VCAN: variants seen among roughly 807,000 people sequenced by gnomAD.
VCAN encodes versican core protein.
A neutral mutation model predicts 245.5 loss-of-function variants in VCAN; 44 were observed. The observed-to-expected ratio is 0.18, with a 90% CI of 0.14 to 0.23. The LOEUF (loss-of-function observed/expected upper bound fraction) is 0.23. VCAN is among the 10% of genes least tolerant of loss of function. The pLI, the probability that VCAN is intolerant of heterozygous loss-of-function variation, is 1.00. For synonymous variants in VCAN, 1,413 were observed against 1,437.0 expected (o/e 0.98, Z 0.38); for missense variants, 3,793 against 4,057.9 (o/e 0.93, Z 1.77).
At position 83,539,082 on chromosome 5, in the gene VCAN, C is replaced by G. The variant is rs1746851494; in HGVS notation, c.6079C>G (p.Pro2027Ala). The G allele has an allele frequency of 1.2e-6, 2 of 1,613,968 alleles. No homozygotes were observed. Among genetic ancestry groups the G allele is most frequent in the Admixed American group, 3.3e-5 (2 of 59,944 alleles). Residue 2027 changes from proline (P) to alanine (A), a missense_variant, in exon 8 of 15, where the codon CCC (proline) becomes GCC (alanine). Coordinates refer to ENST00000265077, the MANE Select transcript of VCAN (RefSeq NM_004385.5). Reference sequence around the variant, plus strand: ...CAGCAGCTCTGTTGTTCCAGTGCTTCCCAGTGCTGTGCAAAAGTTTTCTGG... The same window carrying G: ...CAGCAGCTCTGTTGTTCCAGTGCTTGCCAGTGCTGTGCAAAAGTTTTCTGG... Reference protein sequence around the residue: ...TVSSSVVPVLPSAVQKFSGTA... With the variant: ...TVSSSVVPVLASAVQKFSGTA...
At chr5:83,514,481 G>A (rs1363115122) in intron 6 of VCAN, among the ~76,000 whole-genome samples, 20 of 143,948 alleles carry the variant, frequency 1.4e-4, no homozygotes, top group African/African-American at 4.2e-4. Flanking sequence ...GTGGAGTTTC[G>A]CTCTTGTTGC....
chr5:83,564,561 T>G (rs17205986), intron 12 of VCAN, among the ~76,000 whole-genome samples: 6,658 of 152,298 alleles, frequency 0.044, 191 homozygotes, highest in Non-Finnish European at 0.067. Context: ...AAGGCAAATA[T>G]TAGGACCTAT....
rs1744927738 is a variant in VCAN, at chr5:83,490,094, C to G, written c.71-4C>G. On this transcript the variant is annotated splice_region_variant and splice_polypyrimidine_tract_variant and intron_variant, in intron 2 of 14. Transcript: ENST00000265077. ...GTTAATTTGTTATTTTCTCTTTCCT[C>G]TAGTCAAAGTGGGAAAAAGCCCACC... 1.2e-6 allele frequency: 2 copies of G among 1,613,628 alleles called. No individual in the cohort carries two copies. The highest frequency in any genetic ancestry group is 3.3e-5 in the Admixed American group (2 of 59,998).
At position 83,486,609 on chromosome 5, in the gene VCAN, G is replaced by A. The variant is rs533763693; in HGVS notation, c.70+3021G>A. ...GGAATTTACAGGGAAAGTAGTAGGC[G>A]ACCATCCTTCAGCTGAAATTTAGAC... is the stretch of plus-strand genomic sequence containing the variant. On this transcript the variant is annotated intron_variant, in intron 2 of 14. Coordinates refer to ENST00000265077, the MANE Select transcript of VCAN (RefSeq NM_004385.5). 3.9e-5 allele frequency among the ~76,000 whole-genome samples: 6 copies of A among 152,288 alleles called. No homozygotes were observed. The South Asian group carries it at 1.2e-3, about 32-fold the overall frequency.
intron 12 of VCAN, among the ~76,000 whole-genome samples, chr5:83,570,420 G>A (rs1257160774): frequency 6.6e-6 from 1 of 152,112 alleles, no homozygotes; most frequent in Non-Finnish European, 1.5e-5. Context: ...CTAAAAGACT[G>A]AAACAAAAGT....
intron 6 of VCAN, among the ~76,000 whole-genome samples, chr5:83,514,980 C>A (rs375079441): frequency 6.6e-6 from 1 of 152,086 alleles, no homozygotes; most frequent in Non-Finnish European, 1.5e-5. Context: ...TTCTACCAAA[C>A]GTAGAAAGTG....
intron 5 of VCAN, among the ~76,000 whole-genome samples, chr5:83,495,567 A>T (rs1317538103): frequency 6.6e-6 from 1 of 152,138 alleles, no homozygotes; most frequent in African/African-American, 2.4e-5. Flanking sequence ...AGAAGAGGAG[A>T]TGGTTGGTAG....
In VCAN at chr5:83,486,999, T is replaced by C. The variant is rs1369803437; in HGVS notation, c.71-3099T>C. Among the ~76,000 whole-genome samples, 6 of 152,230 alleles carry C rather than the reference T, an allele frequency of 3.9e-5. 1 individual carries two copies. The highest frequency in any genetic ancestry group is 2.9e-5 in the Non-Finnish European group (2 of 68,042). ...TCAACGACTAACATAAATGAACACCTTGTCTATTGTTATGGGCTTTATTTT... is the reference window on the plus strand; with the variant it reads ...TCAACGACTAACATAAATGAACACCCTGTCTATTGTTATGGGCTTTATTTT... On this transcript the variant is annotated intron_variant, in intron 2 of 14. Coordinates refer to ENST00000265077, the MANE Select transcript of VCAN (RefSeq NM_004385.5).
chr5:83,516,793 A>G (rs1471065235), intron 6 of VCAN, among the ~76,000 whole-genome samples: 1 of 152,262 alleles, frequency 6.6e-6, no homozygotes, highest in African/African-American at 2.4e-5. Flanking sequence ...AGTGGTATTT[A>G]TTCTTAAAAT....
rs537395790 is a variant in VCAN at position 83,563,355 on chromosome 5, C to A, written c.9735+8317C>A. On this transcript the variant is annotated intron_variant, in intron 12 of 14. Coordinates refer to ENST00000265077, the MANE Select transcript of VCAN (RefSeq NM_004385.5). ...CTAACAAACAAGACAAAGTTAAATG[C>A]ACCACTCCCCCTCCAGACTGCAAAC... is the stretch of plus-strand genomic sequence containing the variant. 2.7e-4 allele frequency among the ~76,000 whole-genome samples: 41 copies of A among 152,216 alleles called. 1 individual carries two copies. The South Asian group carries it at 8.3e-3, about 31-fold the overall frequency.
In VCAN at chr5:83,537,340, G is replaced by A. The variant is rs764331111; in HGVS notation, c.4337G>A (p.Ser1446Asn). 5.0e-6 allele frequency: 8 copies of A among 1,613,990 alleles called. No homozygotes were observed. Among genetic ancestry groups the A allele is most frequent in the African/African-American group, 1.3e-5 (1 of 75,024 alleles). ...SVAPSQNFSD[S>N]SESDTHPFVI... ...GCACCTTCTCAGAATTTCTCGGACA[G>A]CTCTGAAAGTGATACTCATCCATTT... The change falls in exon 8 of 15, where the codon AGC becomes AAC. Residue 1446 changes from serine to asparagine, a missense_variant. Around this residue, in one of 5 missense-constraint regions of VCAN, gnomAD observed 3,182 missense variants for 3,250.3 expected, o/e 0.98. Coordinates refer to ENST00000265077, the MANE Select transcript of VCAN (RefSeq NM_004385.5).
chr5:83,559,220 G>A (rs945204202), intron 12 of VCAN, among the ~76,000 whole-genome samples: 3 of 152,156 alleles, frequency 2.0e-5, no homozygotes, highest in Admixed American at 2.0e-4. Context: ...CTTATATACT[G>A]TTAGCTGACT....
At chr5:83,559,409 C>T (rs1747781495) in intron 12 of VCAN, among the ~76,000 whole-genome samples, 1 of 152,082 alleles carries the variant, frequency 6.6e-6, no homozygotes, top group Non-Finnish European at 1.5e-5. Flanking sequence ...ATTAGTATGG[C>T]AGACAAAACC....
chr5:83,580,820 G>T lies in VCAN; in HGVS notation c.*386G>T. 3.3e-6 allele frequency: 1 copy of T among 300,744 alleles called. No homozygotes were observed. Among genetic ancestry groups the T allele is most frequent in the Non-Finnish European group, 6.5e-6 (1 of 154,926 alleles). 18.6% of individuals were successfully genotyped at this position (300,744 alleles called of 1,614,324 possible). ...TTTAATCCTGTATATAAAATAAAAAGTCACAATGAGTTTGGGCATATTTAA... is the reference window on the plus strand; with the variant it reads ...TTTAATCCTGTATATAAAATAAAAATTCACAATGAGTTTGGGCATATTTAA... On this transcript the variant is annotated 3_prime_UTR_variant, in exon 15 of 15. Transcript: ENST00000265077.
chr5:83,555,926 T>C (rs1038257946), intron 12 of VCAN, among the ~76,000 whole-genome samples: 5 of 152,232 alleles, frequency 3.3e-5, no homozygotes, highest in African/African-American at 1.2e-4. Context: ...ATATTGAAGA[T>C]AATTTTAAAG....
intron 7 of VCAN, among the ~76,000 whole-genome samples, chr5:83,522,960 G>A (rs546530358): frequency 6.6e-6 from 1 of 152,126 alleles, no homozygotes; most frequent in Non-Finnish European, 1.5e-5. Context: ...ACAGTTTATT[G>A]TATTAAATAT....
chr5:83,579,966 T>C lies in VCAN; in HGVS notation c.9881-14T>C. On this transcript the variant is annotated splice_polypyrimidine_tract_variant and intron_variant, in intron 13 of 14. Transcript: ENST00000265077. ...TTAGATTATTTGGAAATAACCCAAT[T>C]TGCTTTCCTTTAGTCGCTTGCGGCC... 1 of 1,613,890 alleles carries C rather than the reference T, an allele frequency of 6.2e-7. No individual in the cohort carries two copies. Among genetic ancestry groups the C allele is most frequent in the Non-Finnish European group, 8.5e-7 (1 of 1,179,798 alleles).
chr5:83,566,258 G>T (rs190551050), intron 12 of VCAN, among the ~76,000 whole-genome samples: 200 of 152,068 alleles, frequency 1.3e-3, no homozygotes, highest in Middle Eastern at 0.01. Flanking sequence ...ACCACACCTG[G>T]CCCTGAAAAA....
intron 13 of VCAN, 43 bp downstream of exon 13, chr5:83,572,603 C>T (rs759956854): frequency 6.2e-7 from 1 of 1,609,262 alleles, no homozygotes; most frequent in Admixed American, 1.7e-5. Flanking sequence ...ATCTTCATTT[C>T]AATTATAAAG....
Sources: allele counts gnomAD v4.1 joint callset (sites outside exome capture counted in the v4.1 genomes callset), GRCh38; gene constraint gnomAD v4.1.1; regional missense constraint gnomAD v4.1.1; transcripts MANE v1.5; gene names NCBI Gene and HGNC (gene_info 2026-07-23, HGNC 2026-07-21).